The following AGAP1 variants were observed in gnomAD, a reference collection of about 807,000 sequenced individuals.
AGAP1 encodes the protein arf-GAP with GTPase, ANK repeat and PH domain-containing protein 1.
Under a neutral mutation model 105.3 loss-of-function variants are expected in AGAP1, and 29 were observed. The observed-to-expected ratio is 0.28, with a 90% CI of 0.21 to 0.38. The LOEUF (loss-of-function observed/expected upper bound fraction) is 0.38, where lower values mean the gene tolerates loss of function less well. Ranked by LOEUF, AGAP1 falls within the 10% of genes least tolerant of loss-of-function variation. The pLI, the probability that AGAP1 is intolerant of heterozygous loss-of-function variation, is 1.00. For synonymous variants in AGAP1, 509 were observed against 485.9 expected, an observed-to-expected ratio of 1.05 and a Z score of -0.63; for missense variants, 998 against 1,165.1, an observed-to-expected ratio of 0.86 and a Z score of 2.09.
intron 9 of AGAP1, among the ~76,000 whole-genome samples, chr2:235,813,444 G>A (rs1380039180): frequency 1.3e-5 from 2 of 152,248 alleles, no homozygotes; most frequent in Admixed American, 1.3e-4. Context: ...AAGACTCAGT[G>A]TGTCCTCTGT....
chr2:235,682,591 C>A (rs982527009), intron 1 of AGAP1, among the ~76,000 whole-genome samples: 1 of 152,092 alleles, frequency 6.6e-6, no homozygotes, highest in Non-Finnish European at 1.5e-5. Flanking sequence ...ATGATCCTCG[C>A]ACCTTAGCCT....
intron 8 of AGAP1, among the ~76,000 whole-genome samples, chr2:235,803,006 T>TA (rs1957624186): frequency 4.2e-4 from 1 of 2,388 alleles, no homozygotes; most frequent in Non-Finnish European, 8.8e-4. Context: ...TGGTGATGGT[T>TA]GTGGTTGTGA....
intron 13 of AGAP1, among the ~76,000 whole-genome samples, chr2:236,033,750 A>C (rs1055156044): frequency 2.6e-5 from 4 of 152,222 alleles, no homozygotes; most frequent in African/African-American, 9.6e-5. Flanking sequence ...GCACCCATAC[A>C]GTGTAATACA....
rs1453356811 is a variant in AGAP1, at chr2:235,712,079, C to T, written c.222+2842C>T. Among the ~76,000 whole-genome samples the T allele has an allele frequency of 1.3e-5, 2 of 151,972 alleles. No homozygotes were observed. The highest frequency in any genetic ancestry group is 3.2e-3 in the Middle Eastern group (1 of 316). On this transcript the variant is annotated intron_variant, in intron 2 of 17. Coordinates refer to ENST00000304032, the MANE Select transcript of AGAP1 (RefSeq NM_001037131.3). This position sits in a 1 kb window ranked among gnomAD's most constrained non-coding sequence, Gnocchi z 6.0. Reference sequence around the variant, plus strand: ...TCACTCTGTCACCCAGGCTGGAGTGCAGTGGCGCCATCTCGGCTCACTGCA... The same window carrying T: ...TCACTCTGTCACCCAGGCTGGAGTGTAGTGGCGCCATCTCGGCTCACTGCA...
chr2:235,933,936 CATT>C (rs1460255756), intron 12 of AGAP1, among the ~76,000 whole-genome samples: 2 of 152,156 alleles, frequency 1.3e-5, no homozygotes, highest in African/African-American at 4.8e-5. Flanking sequence ...TAGATAATCT[CATT>C]TGATCCTCAC....
chr2:236,104,629 G>A lies in AGAP1; in HGVS notation c.2115-15563G>A, dbSNP rs2059440565. ...GCACAGGCCAGGCGCGGTGGCTCAT[G>A]CCTGTAATGCCAGCACTTTGGGAGG... is the stretch of plus-strand genomic sequence containing the variant. On this transcript the variant is annotated intron_variant, in intron 16 of 17. Transcript: ENST00000304032. This position sits in a 1 kb window ranked among gnomAD's most constrained non-coding sequence, Gnocchi z 4.7. 6.6e-6 allele frequency among the ~76,000 whole-genome samples: 1 copy of A among 152,178 alleles called. No individual in the cohort carries two copies. Among genetic ancestry groups the A allele is most frequent in the Non-Finnish European group, 1.5e-5 (1 of 68,026 alleles).
Position 235,553,271 on chromosome 2 carries a change from T to G in AGAP1, c.163+58422T>G. Among the ~76,000 whole-genome samples, 1 of 147,016 alleles carries G rather than the reference T, an allele frequency of 6.8e-6. No homozygotes were observed. The highest frequency in any genetic ancestry group is 1.5e-5 in the Non-Finnish European group (1 of 66,724). On this transcript the variant is annotated intron_variant, in intron 1 of 17. Transcript: ENST00000304032. This position sits in a 1 kb window ranked among gnomAD's most constrained non-coding sequence, Gnocchi z 4.5. The stretch of plus-strand genomic sequence containing the variant: ...TAAGGGCTGGGGGAAGAGGAGGGGG[T>G]TGAGATCAAGAGATGACCAACGACT...
chr2:236,092,365 C>T lies in AGAP1; in HGVS notation c.2115-27827C>T, dbSNP rs573304805. On this transcript the variant is annotated intron_variant, in intron 16 of 17. Transcript: ENST00000304032. This position sits in a 1 kb window ranked among gnomAD's most constrained non-coding sequence, Gnocchi z 4.7. ...AAACCAGGTAAGGGGTACATGAGAT[C>T]TCTCTGTATTATTTCTTTTTCTTTT... Among the ~76,000 whole-genome samples, 27 of 152,146 alleles carry T rather than the reference C, an allele frequency of 1.8e-4. No homozygotes were observed. The South Asian group carries it at 4.6e-3, about 26-fold the overall frequency.
At chr2:235,539,811 C>T (rs1201746990) in intron 1 of AGAP1, among the ~76,000 whole-genome samples, 1 of 152,088 alleles carries the variant, frequency 6.6e-6, no homozygotes, top group Admixed American at 6.6e-5. Context: ...ACACGAGAGA[C>T]AGAAAGGATA....
rs540641895 is a variant in AGAP1, at chr2:235,504,594, CT to C, written c.163+9749del. Among the ~76,000 whole-genome samples the C allele has an allele frequency of 3.4e-3, 512 of 152,084 alleles. 2 individuals carry two copies. The highest frequency in any genetic ancestry group is 8.1e-3 in the South Asian group (39 of 4,802). On this transcript the variant is annotated intron_variant, in intron 1 of 17. Coordinates refer to ENST00000304032, the MANE Select transcript of AGAP1 (RefSeq NM_001037131.3). ...CACCACTGTGCAGATTCTCACTTGC[CT>C]TTTGGTGCCCATATGGCCTCATTTC...
At chr2:235,920,523 C>T (rs146770500) in intron 11 of AGAP1, among the ~76,000 whole-genome samples, 3,385 of 152,204 alleles carry the variant, frequency 0.022, 71 homozygotes, top group Non-Finnish European at 0.035. Context: ...GATCATCAGA[C>T]CTTTGGGATG....
rs1209220179 is a variant in AGAP1, at chr2:235,620,080, G to C, written c.164-89099G>C. On this transcript the variant is annotated intron_variant, in intron 1 of 17. Transcript: ENST00000304032. The surrounding 1 kb of genome is among the most constrained non-coding windows in gnomAD (Gnocchi z 4.5). Reference sequence around the variant, plus strand: ...GCAGCACCTGCCCTCGGCCCCCAGGGACCTTCTTTGTCACAGCTGAAGCCC... The same window carrying C: ...GCAGCACCTGCCCTCGGCCCCCAGGCACCTTCTTTGTCACAGCTGAAGCCC... 1.3e-5 allele frequency among the ~76,000 whole-genome samples: 2 copies of C among 152,152 alleles called. No homozygotes were observed. The highest frequency in any genetic ancestry group is 2.9e-5 in the Non-Finnish European group (2 of 68,038).
At position 235,718,325 on chromosome 2, in the gene AGAP1, G is replaced by A. The variant is rs565937575; in HGVS notation, c.310+681G>A. ...GTGTAACTTTGTTAAATCCAACTCT[G>A]AGACACTGAATTTCTGGTTCCTTCT... On this transcript the variant is annotated intron_variant, in intron 3 of 17. Coordinates refer to ENST00000304032, the MANE Select transcript of AGAP1 (RefSeq NM_001037131.3). 7.2e-6 allele frequency: 7 copies of A among 972,306 alleles called. No homozygotes were observed. The African/African-American group carries it at 1.1e-4, about 15-fold the overall frequency. The allele number at this position is 972,306 out of a possible 1,614,324, so 60.2% of individuals were successfully genotyped here. A position where few individuals can be genotyped will look rare whatever the true frequency, so the allele number is the denominator to read the frequency against.
At position 235,789,280 on chromosome 2, in the gene AGAP1, C is replaced by A. The variant is rs1197591952; in HGVS notation, c.674-8479C>A. ...TGCCCTAGACATGGTAGAAATTTCC[C>A]CTCATTCTAAAATTCTGAAATTAAC... On this transcript the variant is annotated intron_variant, in intron 6 of 17. Transcript: ENST00000304032. The surrounding 1 kb of genome is among the most constrained non-coding windows in gnomAD (Gnocchi z 4.2). 6.6e-6 allele frequency among the ~76,000 whole-genome samples: 1 copy of A among 152,106 alleles called. No individual in the cohort carries two copies. The highest frequency in any genetic ancestry group is 1.5e-5 in the Non-Finnish European group (1 of 68,030).
rs371605851 is a variant in AGAP1, at chr2:235,494,778, A to G, written c.92A>G (p.Tyr31Cys). 1.3e-6 allele frequency: 2 copies of G among 1,582,548 alleles called. No individual in the cohort carries two copies. The highest frequency in any genetic ancestry group is 1.7e-6 in the Non-Finnish European group (2 of 1,164,640). ...GTCCACCCCAACATCTACTCCATCT[A>G]CGAGCTGCTGGAGCGCGTGGAGGAG... ...ESVHPNIYSI[Y>C]ELLERVEEPV... The change falls in exon 1 of 18, where the codon TAC becomes TGC. Residue 31 changes from tyrosine (Y) to cysteine (C), a missense_variant. Tyr to Cys is a radical substitution (Grantham distance 194). Around this residue, in one of 3 missense-constraint regions of AGAP1, gnomAD observed 735 missense variants for 833.4 expected, o/e 0.88. Transcript: ENST00000304032.
intron 9 of AGAP1, among the ~76,000 whole-genome samples, chr2:235,851,146 A>G (rs1286027428): frequency 2.6e-5 from 4 of 152,256 alleles, no homozygotes; most frequent in African/African-American, 9.6e-5. Context: ...CACAGCAGCC[A>G]GTGTTACCAG....
At position 235,610,912 on chromosome 2, in the gene AGAP1, T is replaced by C. The variant is rs1444415999; in HGVS notation, c.164-98267T>C. 6.6e-6 allele frequency among the ~76,000 whole-genome samples: 1 copy of C among 152,084 alleles called. No individual in the cohort carries two copies. The highest frequency in any genetic ancestry group is 6.5e-5 in the Admixed American group (1 of 15,278). ...AGTTTCGTTTCACCTGTCCTCTGCC[T>C]GTAATCCTTTTCAGCCCCTCTGAAG... is the stretch of plus-strand genomic sequence containing the variant. On this transcript the variant is annotated intron_variant, in intron 1 of 17. Transcript: ENST00000304032. This position sits in a 1 kb window ranked among gnomAD's most constrained non-coding sequence, Gnocchi z 4.9.
intron 1 of AGAP1, among the ~76,000 whole-genome samples, chr2:235,506,766 C>T (rs1941832754): frequency 6.6e-6 from 1 of 152,190 alleles, no homozygotes; most frequent in Admixed American, 6.5e-5. Flanking sequence ...TCCTCACTCA[C>T]ATCCATGTTC....
chr2:235,776,852 C>T (rs901156784), intron 6 of AGAP1: 1 of 467,834 alleles, frequency 2.1e-6, no homozygotes, highest in Admixed American at 2.4e-5. Context: ...AGCCCCTTTT[C>T]CAAAATCTCG....
Sources: gnomAD v4.1 joint callset for allele counts (sites outside exome capture counted in the v4.1 genomes callset) on GRCh38, gnomAD v4.1.1 for gene constraint, gnomAD v4.1.1 regional missense constraint, Gnocchi (gnomAD v3.1) non-coding constraint, MANE v1.5 for transcripts, NCBI Gene and HGNC (gene_info 2026-07-23, HGNC 2026-07-21) for gene names.